SMCO4: variants seen among roughly 807,000 people sequenced by gnomAD.
SMCO4 encodes the protein single-pass membrane and coiled-coil domain-containing protein 4.
A neutral mutation model predicts 3.6 loss-of-function variants in SMCO4; 4 were observed. The ratio of observed to expected loss-of-function variants is 1.11; its 90% CI spans 0.54 to 2.53. The LOEUF (loss-of-function observed/expected upper bound fraction) is 2.53, where lower values mean the gene tolerates loss of function less well. SMCO4 is among the 30% of genes most tolerant of loss of function. SMCO4 has a pLI of 0.02. For synonymous variants in SMCO4, 36 were observed against 35.3 expected (o/e 1.02, Z -0.07); for missense variants, 70 against 80.8 (o/e 0.87, Z 0.51).
chr11:93,514,846 C>T (rs919002526), intron 1 of SMCO4, among the ~76,000 whole-genome samples: 21 of 152,288 alleles, frequency 1.4e-4, no homozygotes, highest in African/African-American at 4.6e-4. Context: ...TTAAACACAT[C>T]GTCTCCTATA....
chr11:93,543,896 G>C (rs1212749316), upstream of SMCO4, among the ~76,000 whole-genome samples: 1 of 152,242 alleles, frequency 6.6e-6, no homozygotes, highest in Non-Finnish European at 1.5e-5. Context: ...GAAACCTCAA[G>C]CGGACAGAGA....
At chr11:93,494,260 A>T (rs1227642773) in intron 2 of SMCO4, among the ~76,000 whole-genome samples, 2 of 152,246 alleles carry the variant, frequency 1.3e-5, no homozygotes, top group Non-Finnish European at 2.9e-5. Context: ...TAGACGATGC[A>T]TCTAAATTTC....
intron 1 of SMCO4, among the ~76,000 whole-genome samples, chr11:93,516,187 C>T (rs1319058915): frequency 1.3e-5 from 2 of 152,090 alleles, no homozygotes; most frequent in Non-Finnish European, 2.9e-5. Context: ...AGACCAAGAA[C>T]ACAGGAGACC....
intron 2 of SMCO4, among the ~76,000 whole-genome samples, chr11:93,479,754 G>A (rs530756105): frequency 6.6e-6 from 1 of 152,282 alleles, no homozygotes; most frequent in African/African-American, 2.4e-5. Flanking sequence ...GCTGCAGAGA[G>A]CCCACAGGCA....
At chr11:93,505,314 T>A (rs919995567) in intron 1 of SMCO4, among the ~76,000 whole-genome samples, 7 of 152,372 alleles carry the variant, frequency 4.6e-5, no homozygotes, top group Non-Finnish European at 5.9e-5. Context: ...ACTTCATTAA[T>A]GTCTGTACCT....
intron 2 of SMCO4, among the ~76,000 whole-genome samples, chr11:93,485,242 C>T (rs2134572436): frequency 6.6e-6 from 1 of 152,268 alleles, no homozygotes; most frequent in Non-Finnish European, 1.5e-5. Flanking sequence ...GTAAGCTTTC[C>T]ACATCATAGG....
intron 1 of SMCO4, among the ~76,000 whole-genome samples, chr11:93,539,958 T>TA (rs1179925575): frequency 0.032 from 4,464 of 137,686 alleles, 128 homozygotes; most frequent in African/African-American, 0.073. Context: ...AAAATTAATT[T>TA]AAAAAAAAAA....
intron 2 of SMCO4, among the ~76,000 whole-genome samples, chr11:93,492,029 G>A (rs184140504): frequency 6.6e-6 from 1 of 152,322 alleles, no homozygotes; most frequent in Admixed American, 6.5e-5. Context: ...CTGGCTGATG[G>A]CAGACAAACG....
chr11:93,535,366 C>T, intron 1 of SMCO4: 1 of 694,762 alleles, frequency 1.4e-6, no homozygotes, highest in Admixed American at 2.6e-5. Context: ...ATGGACCCAC[C>T]ACTCTTAACA....
At chr11:93,485,864 C>T (rs1329270657) in intron 2 of SMCO4, among the ~76,000 whole-genome samples, 2 of 152,172 alleles carry the variant, frequency 1.3e-5, no homozygotes, top group East Asian at 1.9e-4. Flanking sequence ...GGTATTTTTA[C>T]CCCCATTTAA....
chr11:93,509,986 A>G (rs1257259422), intron 1 of SMCO4, among the ~76,000 whole-genome samples: 1 of 152,248 alleles, frequency 6.6e-6, no homozygotes, highest in African/African-American at 2.4e-5. Flanking sequence ...AAACTAAAAA[A>G]GCAATTAAAA....
At chr11:93,505,186 G>A (rs1180892027) in intron 1 of SMCO4, among the ~76,000 whole-genome samples, 3 of 152,176 alleles carry the variant, frequency 2.0e-5, no homozygotes, top group Non-Finnish European at 4.4e-5. Context: ...AGAACGTTGA[G>A]AGGAAGACCT....
chr11:93,552,659 A>T, the SMCO4 span, among the ~76,000 whole-genome samples: 1 of 150,928 alleles, frequency 6.6e-6, no homozygotes, highest in African/African-American at 2.4e-5. Context: ...TTTAGTAGAG[A>T]CAGGGTTTCA....
At chr11:93,544,680 A>C (rs1949301563), upstream of SMCO4, among the ~76,000 whole-genome samples, 1 of 151,992 alleles carries the variant, frequency 6.6e-6, no homozygotes, top group African/African-American at 2.4e-5. Context: ...TGCTGCGTAC[A>C]AAAGGCAGCA....
At chr11:93,526,768 G>A (rs1949112222) in intron 1 of SMCO4, among the ~76,000 whole-genome samples, 1 of 152,074 alleles carries the variant, frequency 6.6e-6, no homozygotes, top group South Asian at 2.1e-4. Flanking sequence ...ACCATCCTGG[G>A]AGGCAGGTGG....
Position 93,478,798 on chromosome 11 carries a change from A to C in SMCO4, c.*212T>G, listed in dbSNP as rs185923306. Reference sequence around the variant, plus strand: ...CTGAAAGGCACATGAAGTGGACCATAAGGTGTATGGCACATTCACTGATAA... The same window carrying C: ...CTGAAAGGCACATGAAGTGGACCATCAGGTGTATGGCACATTCACTGATAA... On this transcript the variant is annotated 3_prime_UTR_variant, in exon 3 of 3. Coordinates refer to ENST00000298966, the MANE Select transcript of SMCO4 (RefSeq NM_020179.3). 3 of 1,352,226 alleles carry C rather than the reference A, an allele frequency of 2.2e-6. No individual in the cohort carries two copies. In the African/African-American group the frequency reaches 4.4e-5, roughly 20 times the overall value. The allele number at this position is 1,352,226 out of a possible 1,614,324, so 83.8% of individuals were successfully genotyped here. A position where few individuals can be genotyped will look rare whatever the true frequency, so the allele number is the denominator to read the frequency against.
intron 1 of SMCO4, among the ~76,000 whole-genome samples, chr11:93,524,440 A>AGG (rs1949087096): frequency 6.6e-6 from 1 of 152,176 alleles, no homozygotes; most frequent in Admixed American, 6.5e-5. Context: ...TTACAGGGGA[A>AGG]GCTATGGTAT....
intron 1 of SMCO4, among the ~76,000 whole-genome samples, chr11:93,527,065 G>T (rs1468179784): frequency 6.6e-6 from 1 of 152,140 alleles, no homozygotes. Context: ...ACCAACCTTG[G>T]CAACCGCTGA....
At chr11:93,485,073 T>C (rs923920330) in intron 2 of SMCO4, among the ~76,000 whole-genome samples, 2 of 152,248 alleles carry the variant, frequency 1.3e-5, no homozygotes, top group Non-Finnish European at 2.9e-5. Context: ...GTTTTGAATA[T>C]ACTGGGTTAA....
Sources: gnomAD v4.1 joint callset for allele counts (sites outside exome capture counted in the v4.1 genomes callset) on GRCh38, gnomAD v4.1.1 for gene constraint, MANE v1.5 for transcripts, NCBI Gene and HGNC (gene_info 2026-07-23, HGNC 2026-07-21) for gene names.